Variants in MACROD2 observed in about 807,000 individuals in gnomAD.
The protein encoded by MACROD2 is ADP-ribose glycohydrolase MACROD2.
Under a neutral mutation model 70.4 loss-of-function variants are expected in MACROD2, and 36 were observed. The observed-to-expected ratio is 0.51, with a 90% confidence interval of 0.39 to 0.68. The LOEUF (loss-of-function observed/expected upper bound fraction) is 0.68. Ranked by LOEUF, MACROD2 falls within the 30% of genes least tolerant of loss-of-function variation. The pLI, the probability that MACROD2 is intolerant of heterozygous loss-of-function variation, is 0.00. For missense variants in MACROD2, 496 were observed against 538.4 expected (o/e 0.92, Z 0.78); for synonymous variants, 172 against 178.8 (o/e 0.96, Z 0.30).
At chr20:14,594,623 G>A (rs1016845352) in intron 4 of MACROD2, among the ~76,000 whole-genome samples, 8 of 152,234 alleles carry the variant, frequency 5.3e-5, no homozygotes, top group African/African-American at 1.9e-4. Flanking sequence ...ACTGGGCGCG[G>A]TGGCTCACGC....
At chr20:15,139,559 G>A (rs2076176260) in intron 5 of MACROD2, among the ~76,000 whole-genome samples, 2 of 152,104 alleles carry the variant, frequency 1.3e-5, no homozygotes, top group Non-Finnish European at 2.9e-5. Context: ...ATGGGCTAAG[G>A]ATGCAGGAGC....
chr20:14,971,469 A>G (rs974983987), intron 5 of MACROD2, among the ~76,000 whole-genome samples: 1 of 152,034 alleles, frequency 6.6e-6, no homozygotes, highest in African/African-American at 2.4e-5. Context: ...ACTCTGAATT[A>G]CTTATTCTCT....
chr20:14,940,396 T>C (rs150950670), intron 5 of MACROD2, among the ~76,000 whole-genome samples: 34 of 152,274 alleles, frequency 2.2e-4, no homozygotes, highest in African/African-American at 8.2e-4. Flanking sequence ...TTTATTTCTT[T>C]ATCTTGCCCA....
In MACROD2 at chr20:15,800,382, C is replaced by T. The variant is rs573744721; in HGVS notation, c.646-62363C>T. On this transcript the variant is annotated intron_variant, in intron 8 of 17. Coordinates refer to ENST00000684519, the MANE Select transcript of MACROD2 (RefSeq NM_001351661.2). ...CCTAGACCAATGTCCTGAAGCATTT[C>T]CCCTATGTTTTCTTCTAGTAGTTTT... Among the ~76,000 whole-genome samples, 123 of 152,236 alleles carry T rather than the reference C, an allele frequency of 8.1e-4. 1 individual carries two copies. The highest frequency in any genetic ancestry group is 2.9e-3 in the African/African-American group (120 of 41,542).
Position 15,500,696 on chromosome 20 carries a change from A to G in MACROD2, c.645+849A>G, listed in dbSNP as rs564537291. On this transcript the variant is annotated intron_variant, in intron 8 of 17. Coordinates refer to ENST00000684519, the MANE Select transcript of MACROD2 (RefSeq NM_001351661.2). ...ATGAATTATTTGGAAATAATTAGAT[A>G]TGGAAACAGGTGACGGGGTTTTCAA... is the stretch of plus-strand genomic sequence containing the variant. Among the ~76,000 whole-genome samples, 11 of 152,308 alleles carry G rather than the reference A, an allele frequency of 7.2e-5. No individual in the cohort carries two copies. In the South Asian group the frequency reaches 2.3e-3, roughly 32 times the overall value.
At chr20:14,007,754 TTGGA>T (rs1450089477) in intron 2 of MACROD2, among the ~76,000 whole-genome samples, 5 of 152,136 alleles carry the variant, frequency 3.3e-5, no homozygotes, top group African/African-American at 1.2e-4. Flanking sequence ...GTTACACTTT[TTGGA>T]TGGAGTAGTG....
intron 5 of MACROD2, among the ~76,000 whole-genome samples, chr20:15,101,190 A>G (rs1029157871): frequency 1.3e-5 from 2 of 152,170 alleles, no homozygotes; most frequent in Non-Finnish European, 2.9e-5. Context: ...TCTGGCAGAG[A>G]TAGTAAAATG....
intron 5 of MACROD2, among the ~76,000 whole-genome samples, chr20:14,991,051 T>TA (rs2074899472): frequency 6.6e-6 from 1 of 152,216 alleles, no homozygotes; most frequent in Admixed American, 6.5e-5. Context: ...TGAAACTCCT[T>TA]ACACTGTTGT....
intron 5 of MACROD2, among the ~76,000 whole-genome samples, chr20:14,808,911 A>G (rs1448599336): frequency 6.6e-6 from 1 of 152,120 alleles, no homozygotes; most frequent in Non-Finnish European, 1.5e-5. Flanking sequence ...ATATGCACCC[A>G]ATACAGGAGC....
At chr20:16,008,837 C>T (rs1029183703) in intron 15 of MACROD2, among the ~76,000 whole-genome samples, 6 of 152,274 alleles carry the variant, frequency 3.9e-5, no homozygotes, top group South Asian at 4.1e-4. Flanking sequence ...CTGGATGAAA[C>T]GTTACCTCCT....
At chr20:14,542,903 A>G (rs2085450629) in intron 4 of MACROD2, among the ~76,000 whole-genome samples, 4 of 152,166 alleles carry the variant, frequency 2.6e-5, no homozygotes, top group Admixed American at 2.6e-4. Flanking sequence ...GTTTTTTTCT[A>G]AACTAAATGT....
At chr20:14,415,078 A>G (rs551614884) in intron 3 of MACROD2, among the ~76,000 whole-genome samples, 1 of 152,282 alleles carries the variant, frequency 6.6e-6, no homozygotes, top group South Asian at 2.1e-4. Context: ...TTCAGTATCT[A>G]AAATAGTGCT....
intron 3 of MACROD2, among the ~76,000 whole-genome samples, chr20:14,304,990 T>C (rs2122499633): frequency 6.6e-6 from 1 of 152,292 alleles, no homozygotes; most frequent in East Asian, 1.9e-4. Context: ...TTAGAATCAA[T>C]GGGGACTTTA....
chr20:15,338,086 C>G lies in MACROD2; in HGVS notation c.541-93319C>G, dbSNP rs183126561. On this transcript the variant is annotated intron_variant, in intron 6 of 17. Coordinates refer to ENST00000684519, the MANE Select transcript of MACROD2 (RefSeq NM_001351661.2). ...TATTTATTTATTAACAGTACCCTCT[C>G]TTTTTCAGGTGAGCTAAACTATTTA... 1.6e-3 allele frequency among the ~76,000 whole-genome samples: 236 copies of G among 151,538 alleles called. 9 individuals are homozygous for G. Among genetic ancestry groups the G allele is most frequent in the African/African-American group, 5.5e-3 (224 of 40,952 alleles).
intron 7 of MACROD2, among the ~76,000 whole-genome samples, chr20:15,480,565 C>T (rs1313096232): frequency 6.6e-6 from 1 of 152,142 alleles, no homozygotes; most frequent in Non-Finnish European, 1.5e-5. Flanking sequence ...CCTTCTCTTC[C>T]CTGTCCTGCC....
chr20:15,890,172 A>G (rs781150397), intron 10 of MACROD2, among the ~76,000 whole-genome samples: 1 of 152,194 alleles, frequency 6.6e-6, no homozygotes, highest in Non-Finnish European at 1.5e-5. Flanking sequence ...TTTTTCAAAA[A>G]TAAAATATTA....
chr20:14,224,258 C>T (rs1327245526), intron 3 of MACROD2, among the ~76,000 whole-genome samples: 1 of 152,180 alleles, frequency 6.6e-6, no homozygotes, highest in Non-Finnish European at 1.5e-5. Flanking sequence ...CAGATTCAAT[C>T]TTATATAGTA....
chr20:15,349,542 G>A (rs1189951291), intron 6 of MACROD2, among the ~76,000 whole-genome samples: 1 of 152,140 alleles, frequency 6.6e-6, no homozygotes, highest in African/African-American at 2.4e-5. Context: ...GGATCACGAG[G>A]TCAGGAGTTT....
chr20:14,737,901 T>A (rs1882525586), intron 5 of MACROD2, among the ~76,000 whole-genome samples: 1 of 152,214 alleles, frequency 6.6e-6, no homozygotes. Flanking sequence ...AAAGTTTCTT[T>A]GGAAGAACTG....
Sources: allele counts gnomAD v4.1 joint callset (sites outside exome capture counted in the v4.1 genomes callset), GRCh38; gene constraint gnomAD v4.1.1; transcripts MANE v1.5; gene names NCBI Gene and HGNC (gene_info 2026-07-23, HGNC 2026-07-21).